The following PCDH11Y variants were observed in gnomAD, a reference collection of about 807,000 sequenced individuals.
PCDH11Y encodes protocadherin 11 Y-linked.
For synonymous variants in PCDH11Y, 9 were observed against 83.6 expected (o/e 0.11, Z 4.87); for missense variants, 12 against 224.8 (o/e 0.05, Z 6.05).
At chrY:5,398,481 A>G (rs1395202584) in intron 2 of PCDH11Y, among the ~76,000 whole-genome samples, 51 of 32,236 alleles carry the variant, frequency 1.6e-3, no homozygotes, top group South Asian at 3.5e-3. Flanking sequence ...AAACTTAGTC[A>G]TTAATGTTAA....
At chrY:5,312,059 G>T in intron 2 of PCDH11Y, among the ~76,000 whole-genome samples, 7 of 31,522 alleles carry the variant, frequency 2.2e-4, no homozygotes, top group Admixed American at 2.1e-3. Flanking sequence ...TGGGCTCAAG[G>T]AACACAAAAA....
intron 2 of PCDH11Y, among the ~76,000 whole-genome samples, chrY:5,236,087 A>G (rs2052974884): frequency 3.0e-5 from 1 of 33,812 alleles, no homozygotes; most frequent in Non-Finnish European, 7.3e-5. Context: ...TTGCTTGACC[A>G]ACTGTCTTAT....
At chrY:5,734,291 A>G in intron 4 of PCDH11Y, among the ~76,000 whole-genome samples, 1 of 32,266 alleles carries the variant, frequency 3.1e-5, no homozygotes, top group East Asian at 8.4e-4. Context: ...AAAGTGGGGC[A>G]ACTCAGATTG....
intron 3 of PCDH11Y, among the ~76,000 whole-genome samples, chrY:5,537,061 G>A: frequency 3.1e-5 from 1 of 32,013 alleles, no homozygotes. Flanking sequence ...TTGTTTTCAT[G>A]TATGAACTGG....
intron 2 of PCDH11Y, among the ~76,000 whole-genome samples, chrY:5,111,681 G>A (rs2052802804): frequency 3.0e-5 from 1 of 33,874 alleles, no homozygotes; most frequent in Non-Finnish European, 7.4e-5. Context: ...TAGAATAACT[G>A]ATAACAGTTA....
intron 2 of PCDH11Y, among the ~76,000 whole-genome samples, chrY:5,171,411 A>G: frequency 6.1e-5 from 2 of 33,031 alleles, no homozygotes; most frequent in Non-Finnish European, 1.5e-4. Context: ...TTAGATGGAA[A>G]TGCCTTCTAG....
In PCDH11Y at chrY:5,612,537, A is replaced by G. The variant is rs1602951419; in HGVS notation, c.3352+30739A>G. Among the ~76,000 whole-genome samples, 186 of 32,616 alleles carry G rather than the reference A, an allele frequency of 5.7e-3. No homozygotes were observed. The Middle Eastern group carries it at 0.22, about 39-fold the overall frequency. 87.5% of individuals were successfully genotyped at this position (32,616 alleles called of 37,273 possible). A position where few individuals can be genotyped will look rare whatever the true frequency, so the allele number is the denominator to read the frequency against. ...TAGAGATCTGCTGTACATTGTGTCT[A>G]TAGTCAACAATACCATATTGGACAC... On this transcript the variant is annotated intron_variant, in intron 4 of 4. Transcript: ENST00000400457.
intron 2 of PCDH11Y, among the ~76,000 whole-genome samples, chrY:5,457,855 A>G (rs2053299688): frequency 3.0e-5 from 1 of 33,136 alleles, no homozygotes; most frequent in African/African-American, 1.2e-4. Context: ...CTAATCAAGA[A>G]GCTTATGAAA....
At chrY:5,558,356 T>C (rs2053425207) in intron 3 of PCDH11Y, among the ~76,000 whole-genome samples, 1 of 22,194 alleles carries the variant, frequency 4.5e-5, no homozygotes, top group Non-Finnish European at 1.0e-4. Flanking sequence ...TTTCTTTTTT[T>C]TTTTTTTTTT....
intron 2 of PCDH11Y, among the ~76,000 whole-genome samples, chrY:5,417,759 C>G (rs376814755): frequency 0.049 from 1,583 of 32,457 alleles, no homozygotes; most frequent in Middle Eastern, 0.38. Context: ...TCCTAGAGAA[C>G]CTCCAATGGA....
chrY:5,230,295 G>C, intron 2 of PCDH11Y, among the ~76,000 whole-genome samples: 1 of 33,359 alleles, frequency 3.0e-5, no homozygotes, highest in Non-Finnish European at 7.4e-5. Flanking sequence ...TCTAATTGAA[G>C]TACTCCCTAT....
intron 2 of PCDH11Y, among the ~76,000 whole-genome samples, chrY:5,150,251 T>C: frequency 3.0e-5 from 1 of 32,868 alleles, no homozygotes; most frequent in African/African-American, 1.2e-4. Flanking sequence ...ATATAATGTA[T>C]AGTGATCAGA....
At chrY:5,140,723 A>C in intron 2 of PCDH11Y, among the ~76,000 whole-genome samples, 3 of 32,818 alleles carry the variant, frequency 9.1e-5, no homozygotes, top group Non-Finnish European at 1.5e-4. Context: ...ACTGCAAAAA[A>C]AAAAATGTGT....
downstream of PCDH11Y, among the ~76,000 whole-genome samples, chrY:5,108,645 G>C: frequency 3.5e-5 from 1 of 28,962 alleles, no homozygotes; most frequent in Non-Finnish European, 8.1e-5. Context: ...TACTCGGGAG[G>C]CTGAGGCAGG....
intron 2 of PCDH11Y, among the ~76,000 whole-genome samples, chrY:5,198,988 G>A: frequency 3.0e-5 from 1 of 33,214 alleles, no homozygotes; most frequent in Non-Finnish European, 7.4e-5. Context: ...CATTTAATGT[G>A]GTAAGGGATT....
chrY:5,097,339 T>C (rs2052754694), intron 1 of PCDH11Y, among the ~76,000 whole-genome samples: 1 of 31,260 alleles, frequency 3.2e-5, no homozygotes, highest in African/African-American at 1.2e-4. Flanking sequence ...ATGATACTTA[T>C]GATGTTGTCT....
At chrY:5,081,869 T>C (rs2052720827) in intron 1 of PCDH11Y, among the ~76,000 whole-genome samples, 1 of 31,026 alleles carries the variant, frequency 3.2e-5, no homozygotes, top group African/African-American at 1.3e-4. Context: ...TTTCTTTCTC[T>C]TGCCTGATTG....
At position 5,044,001 on chromosome Y, in the gene PCDH11Y, T is replaced by C. The variant is rs1367160108; in HGVS notation, c.32+11273T>C. On this transcript the variant is annotated intron_variant, in intron 3 of 5. Transcript: ENST00000333703. The stretch of plus-strand genomic sequence containing the variant: ...TTGTGTGTATTTGATTCTTCTCTCT[T>C]TTTTTCTTTATTAGTCTTGCTAGCA... Among the ~76,000 whole-genome samples, 10 of 32,338 alleles carry C rather than the reference T, an allele frequency of 3.1e-4. No individual in the cohort carries two copies. In the East Asian group the frequency reaches 8.2e-3, roughly 26 times the overall value. The allele number at this position is 32,338 out of a possible 37,273, so 86.8% of individuals were successfully genotyped here.
intron 2 of PCDH11Y, among the ~76,000 whole-genome samples, chrY:5,450,767 C>T: frequency 3.1e-5 from 1 of 32,664 alleles, no homozygotes; most frequent in Non-Finnish European, 7.5e-5. Context: ...CTGTATGCTG[C>T]GCAGTTACTT....
Sources: allele counts gnomAD v4.1 joint callset (sites outside exome capture counted in the v4.1 genomes callset), GRCh38; gene constraint gnomAD v4.1.1; transcripts MANE v1.5; gene names NCBI Gene and HGNC (gene_info 2026-07-23, HGNC 2026-07-21).